The following LRRN3 variants were observed in gnomAD, a reference collection of about 807,000 sequenced individuals.
The protein encoded by LRRN3 is leucine-rich repeat neuronal protein 3.
Under a neutral mutation model 40.1 loss-of-function variants are expected in LRRN3, and 15 were observed. The ratio of observed to expected loss-of-function variants is 0.37; its 90% CI spans 0.25 to 0.58. LRRN3 has a LOEUF of 0.58. Ranked by LOEUF, LRRN3 falls within the 20% of genes least tolerant of loss-of-function variation. The pLI is 0.72. For missense variants in LRRN3, 746 were observed against 837.7 expected (o/e 0.89, Z 1.35); for synonymous variants, 308 against 297.2 (o/e 1.04, Z -0.37).
intron 2 of LRRN3, among the ~76,000 whole-genome samples, chr7:111,107,377 T>A (rs1798668552): frequency 6.6e-6 from 1 of 152,052 alleles, no homozygotes; most frequent in African/African-American, 2.4e-5. Context: ...ACAGTTTAGA[T>A]TCAACTGATC....
chr7:111,120,573 A>G (rs187094745), intron 2 of LRRN3, among the ~76,000 whole-genome samples: 89 of 152,260 alleles, frequency 5.8e-4, no homozygotes, highest in African/African-American at 2.1e-3. Flanking sequence ...ATGTAATAAA[A>G]TTGTTTTTTC....
At chr7:111,118,640 C>T (rs944838915) in intron 2 of LRRN3, among the ~76,000 whole-genome samples, 7 of 151,990 alleles carry the variant, frequency 4.6e-5, no homozygotes, top group Non-Finnish European at 8.8e-5. Flanking sequence ...TAAGAAAAGG[C>T]TTTGAAAACT....
In LRRN3 at chr7:111,115,082, G is replaced by A. The variant is rs1799715699; in HGVS notation, c.-358-7333G>A. Among the ~76,000 whole-genome samples the A allele has an allele frequency of 2.0e-5, 3 of 152,094 alleles. No individual in the cohort carries two copies. In the South Asian group the frequency reaches 6.2e-4, roughly 32 times the overall value. ...AATATTAAGGATAATGAATAAATGA[G>A]TGTTTTTCCCAGAGAGACCTACATT... On this transcript the variant is annotated intron_variant, in intron 2 of 2. Coordinates refer to ENST00000308478, the MANE Select transcript of LRRN3 (RefSeq NM_001099658.2).
intron 1 of LRRN3, among the ~76,000 whole-genome samples, chr7:111,094,644 A>G (rs1797217790): frequency 1.3e-5 from 2 of 152,116 alleles, no homozygotes; most frequent in African/African-American, 4.8e-5. Flanking sequence ...GTACTTAGGA[A>G]AGCTTCACTG....
At chr7:111,114,805 G>C (rs1799677841) in intron 2 of LRRN3, among the ~76,000 whole-genome samples, 1 of 151,284 alleles carries the variant, frequency 6.6e-6, no homozygotes, top group African/African-American at 2.4e-5. Flanking sequence ...GAATATTTAA[G>C]GGTTACTACA....
At chr7:111,115,976 C>T (rs934907172) in intron 2 of LRRN3, among the ~76,000 whole-genome samples, 3 of 152,048 alleles carry the variant, frequency 2.0e-5, no homozygotes, top group Admixed American at 6.5e-5. Flanking sequence ...CACATCCGGC[C>T]GGAATTATTG....
chr7:111,123,939 G>A lies in LRRN3; in HGVS notation c.1167G>A (p.Met389Ile). Residue 389 changes from methionine to isoleucine, a missense_variant, in exon 3 of 3, where the codon ATG becomes ATA. By Grantham distance (10) the Met-to-Ile change is conservative. Transcript: ENST00000308478. The surrounding 1 kb of genome is among the most constrained non-coding windows in gnomAD (Gnocchi z 6.4). ...TGAACAAAACCAACATTCGATTCAT[G>A]GAGCCAGATTCACTGTTTTGCGTGG... Reference protein sequence around the residue: ...MNMNKTNIRFMEPDSLFCVDP... With the variant: ...MNMNKTNIRFIEPDSLFCVDP... 6.2e-7 allele frequency: 1 copy of A among 1,613,988 alleles called. No homozygotes were observed. Among genetic ancestry groups the A allele is most frequent in the Non-Finnish European group, 8.5e-7 (1 of 1,179,992 alleles).
chr7:111,101,623 G>T (rs1404014255), intron 2 of LRRN3, among the ~76,000 whole-genome samples: 1 of 151,420 alleles, frequency 6.6e-6, no homozygotes, highest in African/African-American at 2.4e-5. Flanking sequence ...TAGGTATACT[G>T]TCTTGTATAT....
At chr7:111,102,714 A>G (rs943560422) in intron 2 of LRRN3, among the ~76,000 whole-genome samples, 2 of 151,584 alleles carry the variant, frequency 1.3e-5, no homozygotes, top group African/African-American at 4.8e-5. Flanking sequence ...AGAATAATCC[A>G]GCTTCTTCGT....
intron 2 of LRRN3, among the ~76,000 whole-genome samples, chr7:111,113,673 T>C (rs1434558458): frequency 6.6e-6 from 1 of 151,730 alleles, no homozygotes; most frequent in Non-Finnish European, 1.5e-5. Flanking sequence ...CCAAATGTTT[T>C]CATCTGAAAT....
At chr7:111,100,891 A>G (rs186809794) in intron 2 of LRRN3, among the ~76,000 whole-genome samples, 1 of 151,734 alleles carries the variant, frequency 6.6e-6, no homozygotes, top group Admixed American at 6.6e-5. Context: ...TTTTAACCTT[A>G]TTCTTTCAGC....
At chr7:111,109,519 G>C (rs528066746) in intron 2 of LRRN3, among the ~76,000 whole-genome samples, 9 of 152,010 alleles carry the variant, frequency 5.9e-5, no homozygotes, top group Admixed American at 5.9e-4. Context: ...ATATATCTGC[G>C]ACACAAAGCT....
chr7:111,114,643 G>A (rs1799640385), intron 2 of LRRN3, among the ~76,000 whole-genome samples: 1 of 151,580 alleles, frequency 6.6e-6, no homozygotes, highest in Non-Finnish European at 1.5e-5. Context: ...GGCTGAGGCA[G>A]GAGAATTGTT....
At chr7:111,115,395 A>G (rs534342739) in intron 2 of LRRN3, among the ~76,000 whole-genome samples, 3 of 152,288 alleles carry the variant, frequency 2.0e-5, no homozygotes, top group African/African-American at 7.2e-5. Context: ...ATCAATAATT[A>G]AATATAACTA....
intron 2 of LRRN3, among the ~76,000 whole-genome samples, chr7:111,103,481 A>G (rs372790740): frequency 6.6e-6 from 1 of 151,800 alleles, no homozygotes; most frequent in South Asian, 2.1e-4. Flanking sequence ...AGCGTGATAC[A>G]TTTTTAGAAT....
chr7:111,094,405 C>T (rs1198276375), intron 1 of LRRN3, among the ~76,000 whole-genome samples: 3 of 152,064 alleles, frequency 2.0e-5, no homozygotes, highest in South Asian at 2.1e-4. Flanking sequence ...TAAGGATGCT[C>T]CTCTAAAATG....
rs532533778 is a variant in LRRN3, at chr7:111,124,619, C to T, written c.1847C>T (p.Pro616Leu). Residue 616 changes from proline (P) to leucine (L), a missense_variant, in exon 3 of 3, where the codon CCT becomes CTT. Transcript: ENST00000308478. The part of the protein sequence containing the change: ...CVNVTTKGLH[P>L]DQKEYEKNNT... ...AATGTCACCACCAAAGGTTTGCACC[C>T]TGATCAAAAAGAGTATGAAAAGAAT... 3.1e-6 allele frequency: 5 copies of T among 1,613,900 alleles called. No individual in the cohort carries two copies. The African/African-American group carries it at 6.7e-5, about 22-fold the overall frequency.
chr7:111,097,650 T>TTAA (rs1342932999), intron 1 of LRRN3, among the ~76,000 whole-genome samples: 1 of 151,968 alleles, frequency 6.6e-6, no homozygotes, highest in African/African-American at 2.4e-5. Flanking sequence ...TGTTTTTATG[T>TTAA]CATTAGACTG....
At chr7:111,095,152 G>T (rs2129578556) in intron 1 of LRRN3, among the ~76,000 whole-genome samples, 1 of 152,024 alleles carries the variant, frequency 6.6e-6, no homozygotes, top group Admixed American at 6.6e-5. Flanking sequence ...GAATAAAGAG[G>T]GGAGACATGC....
Sources: allele counts gnomAD v4.1 joint callset (sites outside exome capture counted in the v4.1 genomes callset), GRCh38; gene constraint gnomAD v4.1.1; non-coding constraint Gnocchi (gnomAD v3.1); transcripts MANE v1.5; gene names NCBI Gene and HGNC (gene_info 2026-07-23, HGNC 2026-07-21).